MNAT1: variants seen among roughly 807,000 people sequenced by gnomAD.
MNAT1 encodes CDK-activating kinase assembly factor MAT1.
A neutral mutation model predicts 42.0 loss-of-function variants in MNAT1; 43 were observed. That is an observed-to-expected ratio of 1.02 (90% CI 0.80 to 1.32). MNAT1 has a LOEUF of 1.32. MNAT1 is among the 40% of genes most tolerant of loss of function. The probability of loss-of-function intolerance (pLI) is 0.00; values close to 1 mark genes in which losing one functional copy is unlikely to be tolerated. For missense variants in MNAT1, 306 were observed against 350.4 expected (o/e 0.87, Z 1.01); for synonymous variants, 118 against 120.0 (o/e 0.98, Z 0.11).
At chr14:60,793,164 C>T (rs750156052) in intron 1 of MNAT1, among the ~76,000 whole-genome samples, 29 of 151,666 alleles carry the variant, frequency 1.9e-4, no homozygotes, top group East Asian at 3.9e-4. Flanking sequence ...CCACCATGCC[C>T]GGCTAATTTG....
intron 7 of MNAT1, among the ~76,000 whole-genome samples, chr14:60,889,626 C>A (rs2034783671): frequency 6.6e-6 from 1 of 152,130 alleles, no homozygotes; most frequent in Non-Finnish European, 1.5e-5. Flanking sequence ...TAAAGAGCTT[C>A]TTCACAGCAA....
chr14:60,817,746 T>G (rs1303230543), intron 5 of MNAT1, among the ~76,000 whole-genome samples: 3 of 152,060 alleles, frequency 2.0e-5, no homozygotes, highest in African/African-American at 7.2e-5. Context: ...TCAAATTCTG[T>G]GTAGTCACTA....
At chr14:60,772,595 C>CA (rs369654270) in intron 1 of MNAT1, among the ~76,000 whole-genome samples, 27,964 of 108,182 alleles carry the variant, frequency 0.26, 3,182 homozygotes, top group Middle Eastern at 0.36. Context: ...CTCCCCATTT[C>CA]AAAAAAAAAA....
intron 7 of MNAT1, among the ~76,000 whole-genome samples, chr14:60,883,991 A>G (rs2034607314): frequency 6.6e-6 from 1 of 151,116 alleles, no homozygotes; most frequent in Admixed American, 6.6e-5. Flanking sequence ...TTTTCCAAAT[A>G]TAAGATCATA....
chr14:60,892,893 G>A (rs2034875635), intron 7 of MNAT1, among the ~76,000 whole-genome samples: 1 of 152,038 alleles, frequency 6.6e-6, no homozygotes. Flanking sequence ...TTAGTTGACA[G>A]CACCACAGAA....
At chr14:60,932,579 A>T (rs4151365) in intron 7 of MNAT1, among the ~76,000 whole-genome samples, 2,887 of 152,034 alleles carry the variant, frequency 0.019, 52 homozygotes, top group East Asian at 0.047. Flanking sequence ...AATGTTAGAT[A>T]GATTTTAGTT....
At chr14:60,885,870 T>C (rs2034657462) in intron 7 of MNAT1, among the ~76,000 whole-genome samples, 1 of 152,076 alleles carries the variant, frequency 6.6e-6, no homozygotes, top group Admixed American at 6.6e-5. Context: ...CTCACTATGT[T>C]TTCTCTTAAG....
intron 1 of MNAT1, among the ~76,000 whole-genome samples, chr14:60,735,861 C>T (rs1360898580): frequency 2.0e-5 from 3 of 152,140 alleles, no homozygotes. Context: ...CATGTAATGG[C>T]GAGCATATAT....
chr14:60,763,770 T>C (rs537106408), intron 1 of MNAT1, among the ~76,000 whole-genome samples: 3 of 152,218 alleles, frequency 2.0e-5, no homozygotes, highest in Admixed American at 6.5e-5. Flanking sequence ...CTAAGCATAA[T>C]TTAATAAATC....
chr14:60,849,288 G>A (rs536421242), intron 6 of MNAT1, among the ~76,000 whole-genome samples: 7 of 152,062 alleles, frequency 4.6e-5, no homozygotes, highest in Non-Finnish European at 7.4e-5. Context: ...TTACTTTTCC[G>A]TAAGATACAA....
At chr14:60,952,211 T>A (rs919723362) in intron 7 of MNAT1, among the ~76,000 whole-genome samples, 1 of 152,072 alleles carries the variant, frequency 6.6e-6, no homozygotes, top group Non-Finnish European at 1.5e-5. Context: ...TACATGGAGA[T>A]GGTTAATGGA....
chr14:60,968,731 T>C lies in MNAT1; in HGVS notation c.*382T>C, dbSNP rs573792717. 15 of 289,980 alleles carry C rather than the reference T, an allele frequency of 5.2e-5. No individual in the cohort carries two copies. In the East Asian group the frequency reaches 1.7e-3, roughly 32 times the overall value. 18.0% of individuals were successfully genotyped at this position (289,980 alleles called of 1,614,324 possible). A position where few individuals can be genotyped will look rare whatever the true frequency, so the allele number is the denominator to read the frequency against. On this transcript the variant is annotated 3_prime_UTR_variant, in exon 8 of 8. Coordinates refer to ENST00000261245, the MANE Select transcript of MNAT1 (RefSeq NM_002431.4). ...GTGTTTTACTTGAACACATTTTAAA[T>C]ACCATTTTGATTACAACATTTACTG...
chr14:60,944,584 A>G (rs887145877), intron 7 of MNAT1, among the ~76,000 whole-genome samples: 2 of 152,230 alleles, frequency 1.3e-5, no homozygotes, highest in Non-Finnish European at 2.9e-5. Context: ...GACTATTACC[A>G]TATAGCTTTA....
At chr14:60,816,784 TA>T (rs2032729749) in intron 5 of MNAT1, among the ~76,000 whole-genome samples, 1 of 152,072 alleles carries the variant, frequency 6.6e-6, no homozygotes, top group Admixed American at 6.5e-5. Flanking sequence ...TAACACTTAG[TA>T]AGGCTTCCAG....
intron 7 of MNAT1, among the ~76,000 whole-genome samples, chr14:60,898,883 T>A (rs2035018129): frequency 6.6e-6 from 1 of 152,120 alleles, no homozygotes; most frequent in African/African-American, 2.4e-5. Flanking sequence ...TAGTTTTATA[T>A]CATCTGGTCA....
At chr14:60,752,476 T>A (rs1017229179) in intron 1 of MNAT1, among the ~76,000 whole-genome samples, 5 of 152,222 alleles carry the variant, frequency 3.3e-5, no homozygotes, top group Non-Finnish European at 7.3e-5. Context: ...AAAAAAATTA[T>A]ACATAATACT....
intron 1 of MNAT1, among the ~76,000 whole-genome samples, chr14:60,752,809 G>A (rs148205491): frequency 1.3e-4 from 20 of 152,312 alleles, no homozygotes; most frequent in African/African-American, 4.8e-4. Flanking sequence ...CTGTTGCCCA[G>A]GCTAGAGTGC....
chr14:60,845,378 A>G (rs191554270), intron 6 of MNAT1, among the ~76,000 whole-genome samples: 2 of 152,078 alleles, frequency 1.3e-5, no homozygotes, highest in Admixed American at 1.3e-4. Context: ...TTGTTGACAT[A>G]AAGTTGTTTA....
chr14:60,792,345 A>C (rs1000854815), intron 1 of MNAT1, among the ~76,000 whole-genome samples: 1 of 152,118 alleles, frequency 6.6e-6, no homozygotes, highest in African/African-American at 2.4e-5. Context: ...TTCAATCAAT[A>C]TTTTCTTGTA....
Sources: allele counts gnomAD v4.1 joint callset (sites outside exome capture counted in the v4.1 genomes callset), GRCh38; gene constraint gnomAD v4.1.1; transcripts MANE v1.5; gene names NCBI Gene and HGNC (gene_info 2026-07-23, HGNC 2026-07-21).